The following ZNF782 variants were observed in gnomAD, a reference collection of about 807,000 sequenced individuals.
The protein encoded by ZNF782 is zinc finger protein 782.
A neutral mutation model predicts 13.0 loss-of-function variants in ZNF782; 12 were observed. The observed-to-expected ratio is 0.92, with a 90% CI of 0.59 to 1.50. ZNF782 has a LOEUF of 1.50. Ranked by LOEUF, ZNF782 falls within the 40% of genes most tolerant of loss-of-function variation. The pLI, the probability that ZNF782 is intolerant of heterozygous loss-of-function variation, is 0.00. For missense variants in ZNF782, 770 were observed against 822.9 expected (o/e 0.94, Z 0.79); for synonymous variants, 284 against 283.0 (o/e 1.00, Z -0.04).
the ZNF782 span, among the ~76,000 whole-genome samples, chr9:96,880,860 C>T: frequency 6.6e-6 from 1 of 152,104 alleles, no homozygotes. Context: ...AAACTGATGT[C>T]ATTTCATCTT....
At chr9:96,930,387 G>A in the ZNF782 span, among the ~76,000 whole-genome samples, 8,866 of 152,140 alleles carry the variant, frequency 0.058, 751 homozygotes, top group African/African-American at 0.19. Flanking sequence ...GGCTGGGCAT[G>A]GTGGCGGGAG....
chr9:96,882,940 T>C, the ZNF782 span, among the ~76,000 whole-genome samples: 1 of 152,058 alleles, frequency 6.6e-6, no homozygotes, highest in Non-Finnish European at 1.5e-5. Flanking sequence ...GGATAATCCA[T>C]GAAAACTAGT....
the ZNF782 span, among the ~76,000 whole-genome samples, chr9:96,916,772 G>A: frequency 6.7e-6 from 1 of 149,774 alleles, no homozygotes; most frequent in South Asian, 2.2e-4. Flanking sequence ...AAAGGTGTGG[G>A]GCAAGGGAGG....
chr9:96,876,943 C>CAAAAAAAAAAAAAAAAAAAAAAAAA (rs398011569), upstream of ZNF782, among the ~76,000 whole-genome samples: 3 of 42,802 alleles, frequency 7.0e-5, no homozygotes, highest in East Asian at 1.7e-3. Flanking sequence ...AACTCCGACT[C>CAAAAAAAAAAAAAAAAAAAAAAAAA]AAAAAAAAAA....
In ZNF782 at chr9:96,854,449, C is replaced by G. The variant is rs912111472; in HGVS notation, c.-623G>C. 1 of 152,412 alleles carries G rather than the reference C, an allele frequency of 6.6e-6. No individual in the cohort carries two copies. The highest frequency in any genetic ancestry group is 1.5e-5 in the Non-Finnish European group (1 of 68,090). 9.4% of individuals were successfully genotyped at this position (152,412 alleles called of 1,614,324 possible). On this transcript the variant is annotated 5_prime_UTR_variant, in exon 1 of 6. Coordinates refer to ENST00000481138, the MANE Select transcript of ZNF782 (RefSeq NM_001001662.3). The stretch of plus-strand genomic sequence containing the variant: ...GCTGCGCCCCCTCTACTTTCCGAGC[C>G]GACCCCCGAGCTTCCCAAACCGCTT...
intron 1 of ZNF782, among the ~76,000 whole-genome samples, chr9:96,853,645 G>A (rs1195406074): frequency 6.6e-6 from 1 of 152,308 alleles, no homozygotes; most frequent in African/African-American, 2.4e-5. Context: ...TTTGACACAT[G>A]GTAAGATTCC....
intron 1 of ZNF782, among the ~76,000 whole-genome samples, chr9:96,875,267 C>T (rs1851879624): frequency 6.6e-6 from 1 of 152,160 alleles, no homozygotes. Flanking sequence ...GTGAGTCATC[C>T]AATGAAAAGA....
At chr9:96,848,018 C>A (rs1851387032) in intron 3 of ZNF782, among the ~76,000 whole-genome samples, 2 of 152,134 alleles carry the variant, frequency 1.3e-5, no homozygotes, top group African/African-American at 2.4e-5. Context: ...TTAACATATG[C>A]AAGTAAATAA....
upstream of ZNF782, among the ~76,000 whole-genome samples, chr9:96,857,618 T>C (rs1398379324): frequency 1.3e-5 from 2 of 152,248 alleles, no homozygotes; most frequent in East Asian, 3.8e-4. Flanking sequence ...CCATTTATCT[T>C]GCTGTGGAGC....
the ZNF782 span, among the ~76,000 whole-genome samples, chr9:96,933,196 T>C: frequency 6.7e-6 from 1 of 150,350 alleles, no homozygotes; most frequent in South Asian, 2.1e-4. Context: ...GCCAGGATGC[T>C]CTCAATCTCC....
At chr9:96,926,691 C>T in the ZNF782 span, among the ~76,000 whole-genome samples, 2 of 152,102 alleles carry the variant, frequency 1.3e-5, no homozygotes, top group Non-Finnish European at 2.9e-5. Flanking sequence ...CTTTTTCCCA[C>T]AACCCAGGCA....
At chr9:96,920,440 G>A in the ZNF782 span, among the ~76,000 whole-genome samples, 4 of 148,542 alleles carry the variant, frequency 2.7e-5, no homozygotes, top group Non-Finnish European at 6.0e-5. Context: ...CTAATTTTTT[G>A]TATTTTTAGT....
chr9:96,908,351 A>G, the ZNF782 span, among the ~76,000 whole-genome samples: 1 of 152,230 alleles, frequency 6.6e-6, no homozygotes, highest in Non-Finnish European at 1.5e-5. Flanking sequence ...TGCTGGGATT[A>G]CAGCACTTGA....
At chr9:96,927,254 A>G in the ZNF782 span, among the ~76,000 whole-genome samples, 1 of 152,212 alleles carries the variant, frequency 6.6e-6, no homozygotes, top group South Asian at 2.1e-4. Flanking sequence ...GGGATGGGAC[A>G]TTGGTGGTTA....
the ZNF782 span, chr9:96,894,546 T>C: frequency 6.6e-6 from 1 of 152,124 alleles, no homozygotes; most frequent in East Asian, 1.9e-4. Flanking sequence ...CCCTACTCCT[T>C]GGCAATAAAT....
At chr9:96,893,824 C>A in the ZNF782 span, 1 of 144,290 alleles carries the variant, frequency 6.9e-6, no homozygotes, top group East Asian at 1.9e-4. Context: ...CACGGTGAAA[C>A]CCCTTCTCTA....
At chr9:96,918,475 G>A in the ZNF782 span, among the ~76,000 whole-genome samples, 5 of 150,972 alleles carry the variant, frequency 3.3e-5, no homozygotes, top group African/African-American at 1.2e-4. Flanking sequence ...AGGTTTTGGC[G>A]GGCTTCAGAA....
rs578062193 is a variant in ZNF782, at chr9:96,867,150, C to T, written c.-456-5547G>A. ...ACATGAGATTTGGGAGGGACCAGGACAGAATGATATGGTTTGGCTGTGTTC... is the reference window on the plus strand; with the variant it reads ...ACATGAGATTTGGGAGGGACCAGGATAGAATGATATGGTTTGGCTGTGTTC... On this transcript the variant is annotated intron_variant, in intron 1 of 5. Coordinates refer to the ZNF782 transcript ENST00000498811. Among the ~76,000 whole-genome samples, 9 of 152,196 alleles carry T rather than the reference C, an allele frequency of 5.9e-5. No individual in the cohort carries two copies. In the South Asian group the frequency reaches 1.7e-3, roughly 28 times the overall value.
At chr9:96,897,589 G>C in the ZNF782 span, among the ~76,000 whole-genome samples, 1 of 147,912 alleles carries the variant, frequency 6.8e-6, no homozygotes, top group African/African-American at 2.5e-5. Flanking sequence ...TGAGTTCTCT[G>C]CTCTTGAATG....
Sources: allele counts gnomAD v4.1 joint callset (sites outside exome capture counted in the v4.1 genomes callset), GRCh38; gene constraint gnomAD v4.1.1; transcripts MANE v1.5; gene names NCBI Gene and HGNC (gene_info 2026-07-23, HGNC 2026-07-21).